The following RNF217 variants were observed in gnomAD, a reference collection of about 807,000 sequenced individuals.
RNF217 encodes E3 ubiquitin-protein ligase RNF217.
RNF217 carries 31 observed loss-of-function variants against 57.8 expected under a neutral mutation model. That is an observed-to-expected ratio of 0.54 (90% CI 0.40 to 0.72). The LOEUF is 0.72. Ranked by LOEUF, RNF217 falls within the 30% of genes least tolerant of loss-of-function variation. The probability of loss-of-function intolerance (pLI) is 0.00; values close to 1 mark genes in which losing one functional copy is unlikely to be tolerated. For missense variants in RNF217, 696 were observed against 708.3 expected, an observed-to-expected ratio of 0.98 and a Z score of 0.20; for synonymous variants, 313 against 294.0, an observed-to-expected ratio of 1.06 and a Z score of -0.66.
chr6:125,036,189 T>G (rs1000179669), intron 1 of RNF217, among the ~76,000 whole-genome samples: 1 of 152,178 alleles, frequency 6.6e-6, no homozygotes, highest in African/African-American at 2.4e-5. Flanking sequence ...TGGTTTACTG[T>G]TCCTGTGTTA....
At chr6:124,985,025 T>C (rs1784323313) in intron 1 of RNF217, among the ~76,000 whole-genome samples, 2 of 152,192 alleles carry the variant, frequency 1.3e-5, no homozygotes, top group African/African-American at 4.8e-5. Flanking sequence ...ATGACATTAA[T>C]GGCCAATAAA....
chr6:124,976,343 A>G (rs1439893117), intron 1 of RNF217, among the ~76,000 whole-genome samples: 1 of 145,784 alleles, frequency 6.9e-6, no homozygotes, highest in South Asian at 2.2e-4. Context: ...ATCTTGGCTC[A>G]CTGCAACTTC....
intron 1 of RNF217, among the ~76,000 whole-genome samples, chr6:124,975,984 T>C (rs1180997310): frequency 3.3e-5 from 5 of 152,274 alleles, no homozygotes; most frequent in African/African-American, 1.2e-4. Flanking sequence ...AAACAAACAC[T>C]TTGAAAACAA....
intron 3 of RNF217, among the ~76,000 whole-genome samples, chr6:125,063,375 A>T (rs1787815220): frequency 6.6e-6 from 1 of 152,142 alleles, no homozygotes; most frequent in African/African-American, 2.4e-5. Context: ...TTTCTAGATG[A>T]CAGGAAGTTA....
chr6:125,024,381 G>A (rs1015351468), intron 1 of RNF217, among the ~76,000 whole-genome samples: 13 of 151,896 alleles, frequency 8.6e-5, no homozygotes, highest in Non-Finnish European at 1.8e-4. Flanking sequence ...TCAGGAGTTC[G>A]AGACCACCCT....
At position 124,998,417 on chromosome 6, in the gene RNF217, C is replaced by T. The variant is rs188478427; in HGVS notation, c.882+34991C>T. 7.6e-3 allele frequency among the ~76,000 whole-genome samples: 1,157 copies of T among 152,316 alleles called. 6 individuals carry two copies. Among genetic ancestry groups the T allele is most frequent in the Middle Eastern group, 0.031 (9 of 292 alleles). ...TCATGTAAATCTGTCTGCTTATCTC[C>T]ATCTTCACTTTGTCCATGATCCCAA... On this transcript the variant is annotated intron_variant, in intron 1 of 5. Coordinates refer to ENST00000521654, the MANE Select transcript of RNF217 (RefSeq NM_001286398.3).
chr6:124,968,433 T>C (rs1019236095), intron 1 of RNF217, among the ~76,000 whole-genome samples: 6 of 152,168 alleles, frequency 3.9e-5, no homozygotes, highest in African/African-American at 1.4e-4. Context: ...CTACATCATT[T>C]CTCTTTAATA....
At position 125,088,383 on chromosome 6, in the gene RNF217, A is replaced by T. The variant is rs1343622766; in HGVS notation, c.*5446A>T. 2 of 152,118 alleles carry T rather than the reference A, an allele frequency of 1.3e-5. No individual in the cohort carries two copies. Among genetic ancestry groups the T allele is most frequent in the Non-Finnish European group, 2.9e-5 (2 of 68,008 alleles). 9.4% of individuals were successfully genotyped at this position (152,118 alleles called of 1,614,324 possible). A position where few individuals can be genotyped will look rare whatever the true frequency, so the allele number is the denominator to read the frequency against. On this transcript the variant is annotated 3_prime_UTR_variant, in exon 6 of 6. Coordinates refer to ENST00000521654, the MANE Select transcript of RNF217 (RefSeq NM_001286398.3). Reference sequence around the variant, plus strand: ...CTCTGATTTTGAAAATAGAACAAATACACATTTCATAGCCAAACTTTGTGT... The same window carrying T: ...CTCTGATTTTGAAAATAGAACAAATTCACATTTCATAGCCAAACTTTGTGT...
At chr6:125,060,410 T>C (rs1453208314) in intron 3 of RNF217, among the ~76,000 whole-genome samples, 4 of 152,138 alleles carry the variant, frequency 2.6e-5, no homozygotes, top group Non-Finnish European at 5.9e-5. Context: ...TATAGGTATA[T>C]GTTTTAATTA....
Position 125,089,817 on chromosome 6 carries a change from A to C in RNF217, c.*6880A>C, listed in dbSNP as rs1788881286. ...GGAAATATTCTTAGTAATCCAATCAAATCCTTAAAAACAGCATTTTTGTGA... is the reference window on the plus strand; with the variant it reads ...GGAAATATTCTTAGTAATCCAATCACATCCTTAAAAACAGCATTTTTGTGA... On this transcript the variant is annotated 3_prime_UTR_variant, in exon 6 of 6. Coordinates refer to ENST00000521654, the MANE Select transcript of RNF217 (RefSeq NM_001286398.3). 6.6e-6 allele frequency: 1 copy of C among 152,094 alleles called. No individual in the cohort carries two copies. The highest frequency in any genetic ancestry group is 1.5e-5 in the Non-Finnish European group (1 of 68,006). 9.4% of individuals were successfully genotyped at this position (152,094 alleles called of 1,614,324 possible).
At chr6:124,964,394 GT>G (rs1290105733) in intron 1 of RNF217, among the ~76,000 whole-genome samples, 1 of 151,876 alleles carries the variant, frequency 6.6e-6, no homozygotes, top group African/African-American at 2.4e-5. Context: ...CACTGAAGTT[GT>G]TTCTTTCGTG....
chr6:125,054,461 G>A (rs746587967), intron 2 of RNF217, among the ~76,000 whole-genome samples: 1 of 152,150 alleles, frequency 6.6e-6, no homozygotes, highest in Non-Finnish European at 1.5e-5. Flanking sequence ...GTCAATGTCT[G>A]TGTCCTTCTC....
rs540314443 is a variant in RNF217 at position 125,036,371 on chromosome 6, G to T, written c.883-8840G>T. Among the ~76,000 whole-genome samples the T allele has an allele frequency of 1.5e-3, 228 of 152,226 alleles. No homozygotes were observed. The Middle Eastern group carries it at 0.017, about 11-fold the overall frequency. ...TTCCAAGTCTTTGCTATTGTGAATA[G>T]TGCTGCAATAAACATACGTGTGCAT... On this transcript the variant is annotated intron_variant, in intron 1 of 5. Coordinates refer to ENST00000521654, the MANE Select transcript of RNF217 (RefSeq NM_001286398.3).
At chr6:124,967,802 G>T (rs139291324) in intron 1 of RNF217, among the ~76,000 whole-genome samples, 83 of 151,836 alleles carry the variant, frequency 5.5e-4, no homozygotes, top group African/African-American at 2.0e-3. Context: ...TTCTTTGAGA[G>T]AATCTCCCTC....
Position 125,091,424 on chromosome 6 carries a change from A to G in RNF217, c.*8487A>G, listed in dbSNP as rs551636573. 1 of 152,104 alleles carries G rather than the reference A, an allele frequency of 6.6e-6. No individual in the cohort carries two copies. Among genetic ancestry groups the G allele is most frequent in the African/African-American group, 2.4e-5 (1 of 41,454 alleles). 9.4% of individuals were successfully genotyped at this position (152,104 alleles called of 1,614,324 possible). On this transcript the variant is annotated 3_prime_UTR_variant, in exon 6 of 6. Coordinates refer to ENST00000521654, the MANE Select transcript of RNF217 (RefSeq NM_001286398.3). ...CTATTTAAAGTGCTAAGGAGAAAGC[A>G]TATCTTTAGGGATGTATATAGGCTG...
chr6:125,014,789 A>G (rs1785544241), intron 1 of RNF217, among the ~76,000 whole-genome samples: 1 of 152,180 alleles, frequency 6.6e-6, no homozygotes, highest in African/African-American at 2.4e-5. Context: ...ATTTTTAAAA[A>G]TAAAAATTAA....
chr6:125,044,941 C>G (rs1787037783), intron 1 of RNF217, among the ~76,000 whole-genome samples: 1 of 151,986 alleles, frequency 6.6e-6, no homozygotes, highest in Non-Finnish European at 1.5e-5. Context: ...CTTTGGTGAG[C>G]CTGTGGCTTA....
chr6:124,999,776 T>C (rs1052659305), intron 1 of RNF217, among the ~76,000 whole-genome samples: 2 of 152,224 alleles, frequency 1.3e-5, no homozygotes, highest in Non-Finnish European at 2.9e-5. Context: ...GGTGTTGACT[T>C]AGCATTGTAA....
chr6:125,045,258 T>C lies in RNF217; in HGVS notation c.930T>C (p.Phe310=). 6.2e-7 allele frequency: 1 copy of C among 1,613,388 alleles called. No homozygotes were observed. ...TCAAATGCCCCATCACAGAGTGTTT[T>C]GAATTCTTGGAAGAAACAACTGTTG... ...VEIKCPITEC[F]EFLEETTVVY... Residue 310 remains phenylalanine (F), a synonymous_variant, in exon 2 of 6, where the codon TTT becomes TTC. Transcript: ENST00000521654.
Sources: allele counts gnomAD v4.1 joint callset (sites outside exome capture counted in the v4.1 genomes callset), GRCh38; gene constraint gnomAD v4.1.1; transcripts MANE v1.5; gene names NCBI Gene and HGNC (gene_info 2026-07-23, HGNC 2026-07-21).